Variants in POTEE observed in about 807,000 individuals in gnomAD.
POTEE encodes the protein ANKRD26-like family C member 1A.
A neutral mutation model predicts 74.2 loss-of-function variants in POTEE; 21 were observed. That is an observed-to-expected ratio of 0.28 (90% confidence interval 0.20 to 0.41). The LOEUF (loss-of-function observed/expected upper bound fraction) is 0.41, where lower values mean the gene tolerates loss of function less well. Among genes scored for constraint, POTEE ranks in the 10% least tolerant of loss-of-function variants. The pLI, the probability that POTEE is intolerant of heterozygous loss-of-function variation, is 1.00. For missense variants in POTEE, 525 were observed against 1,158.6 expected, an observed-to-expected ratio of 0.45 and a Z score of 7.94; for synonymous variants, 211 against 432.8, an observed-to-expected ratio of 0.49 and a Z score of 6.36.
At chr2:131,218,187 C>G (rs1700494480) in intron 3 of POTEE, 123 bp from the exon 4 acceptor site, 3 of 950,686 alleles carry the variant, frequency 3.2e-6, no homozygotes, top group Non-Finnish European at 4.6e-6. Flanking sequence ...CGTGGGGTCG[C>G]CCAGGGGGGG....
At chr2:131,214,592 GA>G (rs1174942039) in intron 2 of POTEE, among the ~76,000 whole-genome samples, 1 of 151,996 alleles carries the variant, frequency 6.6e-6, no homozygotes, top group Non-Finnish European at 1.5e-5. Context: ...AAAAGAAAAT[GA>G]AAGCTCTTAA....
chr2:131,235,824 A>T (rs138449264), intron 9 of POTEE, among the ~76,000 whole-genome samples: 5,505 of 150,202 alleles, frequency 0.037, 324 homozygotes, highest in African/African-American at 0.13. Flanking sequence ...GAAAGAAAAA[A>T]GAAAATAAAT....
chr2:131,234,049 T>TA, intron 9 of POTEE, among the ~76,000 whole-genome samples: 1 of 151,096 alleles, frequency 6.6e-6, no homozygotes, highest in Non-Finnish European at 1.5e-5. Flanking sequence ...TGACTCTCAC[T>TA]AATAAGACTT....
intron 4 of POTEE, among the ~76,000 whole-genome samples, chr2:131,219,715 C>A (rs867377290): frequency 9.2e-4 from 139 of 150,280 alleles, no homozygotes; most frequent in African/African-American, 3.1e-3. Context: ...CCAGCCTGGG[C>A]GACAGAGCGA....
intron 3 of POTEE, among the ~76,000 whole-genome samples, 144 bp downstream of exon 3, chr2:131,217,827 A>G (rs973008349): frequency 2.7e-5 from 4 of 149,994 alleles, no homozygotes; most frequent in Non-Finnish European, 4.4e-5. Flanking sequence ...AACGGCTTGC[A>G]CGCGCACGCC....
chr2:131,216,335 G>A (rs1488341096), intron 2 of POTEE, among the ~76,000 whole-genome samples: 1 of 152,210 alleles, frequency 6.6e-6, no homozygotes, highest in Non-Finnish European at 1.5e-5. Context: ...AGAAAAATTA[G>A]TCCTAAAATC....
At chr2:131,225,921 G>T (rs1700770780) in intron 6 of POTEE, among the ~76,000 whole-genome samples, 1 of 152,100 alleles carries the variant, frequency 6.6e-6, no homozygotes, top group South Asian at 2.1e-4. Context: ...CCTACCATCA[G>T]TTATTCACTG....
At chr2:131,219,790 CAAATAA>C (rs1372059033) in intron 4 of POTEE, among the ~76,000 whole-genome samples, 1 of 151,290 alleles carries the variant, frequency 6.6e-6, no homozygotes, top group Admixed American at 6.6e-5. Context: ...TTACCTAAGC[CAAATAA>C]AAATAGCAAA....
At chr2:131,219,431 T>G (rs533000897) in intron 4 of POTEE, among the ~76,000 whole-genome samples, 1 of 151,834 alleles carries the variant, frequency 6.6e-6, no homozygotes, top group Non-Finnish European at 1.5e-5. Context: ...AACAGGAAGA[T>G]TGAATTTTCT....
intron 7 of POTEE, among the ~76,000 whole-genome samples, chr2:131,227,578 T>C (rs2105083966): frequency 8.8e-6 from 1 of 113,680 alleles, no homozygotes; most frequent in Non-Finnish European, 1.7e-5. Context: ...AAGCCGTACG[T>C]GGGTGATAAA....
chr2:131,221,620 A>G (rs187558647), intron 4 of POTEE, among the ~76,000 whole-genome samples: 2 of 152,324 alleles, frequency 1.3e-5, no homozygotes, highest in East Asian at 3.9e-4. Flanking sequence ...GTGGTTGGCT[A>G]TCTTCTGTGA....
At chr2:131,224,656 T>A (rs1484138942) in intron 6 of POTEE, among the ~76,000 whole-genome samples, 2 of 152,030 alleles carry the variant, frequency 1.3e-5, no homozygotes, top group African/African-American at 2.4e-5. Context: ...TTGTTTCCTT[T>A]GCATGGTGAG....
intron 9 of POTEE, among the ~76,000 whole-genome samples, chr2:131,236,012 A>C (rs1435248161): frequency 6.6e-6 from 1 of 152,196 alleles, no homozygotes; most frequent in African/African-American, 2.4e-5. Flanking sequence ...ACAGCTCAGC[A>C]GATTTGCATC....
rs753117535 is a variant in POTEE, at chr2:131,263,731, A to G, written c.2276A>G (p.Gln759Arg). The change falls in exon 18 of 18, where the codon CAG becomes CGG. Residue 759 changes from glutamine to arginine, a missense_variant. Physicochemically the swap from Gln to Arg is conservative, Grantham distance 43. Coordinates refer to ENST00000683005, the MANE Select transcript of POTEE (RefSeq NM_001083538.3). ...QKESYVGKEA[Q>R]SKRGILTLKY... ...GAGTCCTATGTGGGCAAGGAGGCCC[A>G]GAGCAAGAGAGGCATCCTGACCCTG... 5 of 1,611,370 alleles carry G rather than the reference A, an allele frequency of 3.1e-6. No homozygotes were observed. Among genetic ancestry groups the G allele is most frequent in the Non-Finnish European group, 4.2e-6 (5 of 1,179,752 alleles).
intron 16 of POTEE, among the ~76,000 whole-genome samples, chr2:131,258,766 A>AACCC (rs1701632699): frequency 6.1e-3 from 2 of 330 alleles, no homozygotes; most frequent in African/African-American, 0.011. Flanking sequence ...AAGGATAACC[A>AACCC]CCCCCCCCCC....
chr2:131,222,689 T>A (rs923368514), intron 4 of POTEE, among the ~76,000 whole-genome samples: 1 of 152,260 alleles, frequency 6.6e-6, no homozygotes, highest in African/African-American at 2.4e-5. Context: ...ATTGTATAAA[T>A]CTAAGTATTG....
At chr2:131,228,470 C>G in intron 8 of POTEE, 89 bp downstream of exon 8, 1 of 1,580,782 alleles carries the variant, frequency 6.3e-7, no homozygotes, top group Non-Finnish European at 8.6e-7. Context: ...GGTGAGATGT[C>G]ATAGTTTGGT....
intron 6 of POTEE, among the ~76,000 whole-genome samples, chr2:131,226,457 G>A (rs1700782427): frequency 7.5e-6 from 1 of 133,392 alleles, no homozygotes; most frequent in Non-Finnish European, 1.6e-5. Flanking sequence ...TTGTCTTAGG[G>A]TTGAGGATAT....
At chr2:131,229,304 C>G (rs546677990) in intron 8 of POTEE, among the ~76,000 whole-genome samples, 1 of 152,030 alleles carries the variant, frequency 6.6e-6, no homozygotes, top group Non-Finnish European at 1.5e-5. Flanking sequence ...CTCTTTGCTA[C>G]CAGATCTGTA....
Sources: allele counts gnomAD v4.1 joint callset (sites outside exome capture counted in the v4.1 genomes callset), GRCh38; gene constraint gnomAD v4.1.1; transcripts MANE v1.5; gene names NCBI Gene and HGNC (gene_info 2026-07-23, HGNC 2026-07-21).